PIGZ: variants seen among roughly 807,000 people sequenced by gnomAD.
PIGZ encodes the protein GPI alpha-1,2-mannosyltransferase 4.
A neutral mutation model predicts 16.4 loss-of-function variants in PIGZ; 16 were observed. That is an observed-to-expected ratio of 0.97 (90% CI 0.66 to 1.48). The LOEUF (loss-of-function observed/expected upper bound fraction) is 1.48, where lower values mean the gene tolerates loss of function less well. PIGZ is among the 40% of genes most tolerant of loss of function. The pLI, the probability that PIGZ is intolerant of heterozygous loss-of-function variation, is 0.00. For synonymous variants in PIGZ, 409 were observed against 338.4 expected (o/e 1.21, Z -2.29); for missense variants, 770 against 739.2 (o/e 1.04, Z -0.48).
rs918351180 is a variant in PIGZ at position 196,965,879 on chromosome 3, C to G, written c.-1+2808G>C. On this transcript the variant is annotated intron_variant, in intron 1 of 2. Transcript: ENST00000412723. The surrounding 1 kb of genome is among the most constrained non-coding windows in gnomAD (Gnocchi z 4.2). The stretch of plus-strand genomic sequence containing the variant: ...ACCGCCATCCGCCTCTCCACTTTCC[C>G]TCTCTCACTGCATCCTTCCTTCTGA... 3.9e-5 allele frequency among the ~76,000 whole-genome samples: 6 copies of G among 152,200 alleles called. No homozygotes were observed. The highest frequency in any genetic ancestry group is 7.3e-5 in the Non-Finnish European group (5 of 68,044).
At chr3:196,963,487 G>A (rs761807171) in intron 1 of PIGZ, among the ~76,000 whole-genome samples, 5 of 152,224 alleles carry the variant, frequency 3.3e-5, no homozygotes, top group Non-Finnish European at 7.3e-5. Flanking sequence ...TGGGTGTGAA[G>A]TGGTATCTCA....
In PIGZ at chr3:196,951,972, C is replaced by G; in HGVS notation, c.60G>C (p.Leu20Phe). Reference sequence around the variant, plus strand: ...CCAGTTGTTGCCAACACACCGGGCCCAAAACCTGGAATGATGTCCCAGCTG... The same window carrying G: ...CCAGTTGTTGCCAACACACCGGGCCGAAAACCTGGAATGATGTCCCAGCTG... Reference protein sequence around the residue: ...SVAAGTSFQVLGPVCWQQLDL... With the variant: ...SVAAGTSFQVFGPVCWQQLDL... Residue 20 changes from leucine to phenylalanine, a missense_variant, in exon 2 of 3, where the codon TTG (leucine) becomes TTC (phenylalanine). Coordinates refer to ENST00000412723, the MANE Select transcript of PIGZ (RefSeq NM_025163.4). 6.2e-7 allele frequency: 1 copy of G among 1,614,174 alleles called. No homozygotes were observed. Among genetic ancestry groups the G allele is most frequent in the Non-Finnish European group, 8.5e-7 (1 of 1,180,030 alleles).
At chr3:196,961,142 C>T (rs900527422) in intron 1 of PIGZ, among the ~76,000 whole-genome samples, 7 of 152,154 alleles carry the variant, frequency 4.6e-5, no homozygotes, top group Admixed American at 1.3e-4. Flanking sequence ...TGCTGACAGG[C>T]GGCTGTGGTG....
In PIGZ at chr3:196,947,667, C is replaced by T. The variant is rs1159282746; in HGVS notation, c.1230G>A (p.Val410=). The T allele has an allele frequency of 4.3e-6, 7 of 1,611,510 alleles. No homozygotes were observed. The highest frequency in any genetic ancestry group is 1.7e-4 in the Middle Eastern group (1 of 6,050). ...VLLCSPQTQP[V]PWKGTVVLFN... ...AGAGGACCACAGTGCCCTTCCAAGG[C>T]ACAGGCTGCGTCTGTGGACTACAAA... The change falls in exon 3 of 3, where the codon GTG becomes GTA. Residue 410 remains valine (V), a synonymous_variant. Transcript: ENST00000412723.
At chr3:196,960,706 A>C (rs938235600) in intron 1 of PIGZ, among the ~76,000 whole-genome samples, 2 of 125,826 alleles carry the variant, frequency 1.6e-5, no homozygotes, top group Non-Finnish European at 3.5e-5. Context: ...GAAAGAAGAA[A>C]GGAAGGAAGG....
At chr3:196,954,894 T>G (rs577266782) in intron 1 of PIGZ, among the ~76,000 whole-genome samples, 1 of 152,342 alleles carries the variant, frequency 6.6e-6, no homozygotes, top group African/African-American at 2.4e-5. Flanking sequence ...CTATAAGTTG[T>G]CATTAGATCA....
rs1717044769 is a variant in PIGZ at position 196,948,506 on chromosome 3, G to C, written c.391C>G (p.Leu131Val). The change falls in exon 3 of 3, where the codon CTC becomes GTC. Residue 131 changes from leucine to valine, a missense_variant. Coordinates refer to ENST00000412723, the MANE Select transcript of PIGZ (RefSeq NM_025163.4). ...GCAAAGGAAAGGGCAGTGAGGAGGA[G>C]TCGAGGCCCCACCAGCAGCGCATAG... Reference protein sequence around the residue: ...SGYALLVGPRLLLTALSFALD... With the variant: ...SGYALLVGPRVLLTALSFALD... The C allele has an allele frequency of 6.2e-7, 1 of 1,612,866 alleles. No individual in the cohort carries two copies. Among genetic ancestry groups the C allele is most frequent in the South Asian group, 1.1e-5 (1 of 91,024 alleles).
At chr3:196,954,408 A>G (rs142936474) in intron 1 of PIGZ, among the ~76,000 whole-genome samples, 2,036 of 152,246 alleles carry the variant, frequency 0.013, 48 homozygotes, top group African/African-American at 0.045. Flanking sequence ...TATATTCTAA[A>G]CTGATTTTTA....
At chr3:196,964,046 T>TTTATG (rs1717826486) in intron 1 of PIGZ, among the ~76,000 whole-genome samples, 1 of 151,698 alleles carries the variant, frequency 6.6e-6, no homozygotes, top group African/African-American at 2.4e-5. Flanking sequence ...ATTTTTATTT[T>TTTATG]TATTTATTTA....
intron 1 of PIGZ, among the ~76,000 whole-genome samples, chr3:196,964,889 C>G (rs6776692): frequency 0.31 from 47,112 of 151,956 alleles, 7,912 homozygotes; most frequent in African/African-American, 0.43. Flanking sequence ...CTGTCTTACA[C>G]ACAAATGAAC....
At chr3:196,959,874 G>T (rs533277190) in intron 1 of PIGZ, among the ~76,000 whole-genome samples, 14 of 152,322 alleles carry the variant, frequency 9.2e-5, no homozygotes, top group Admixed American at 3.3e-4. Flanking sequence ...GAAACAAAAA[G>T]CTACATTTTG....
chr3:196,947,957 G>T lies in PIGZ; in HGVS notation c.940C>A (p.Arg314=). 5.6e-6 allele frequency: 9 copies of T among 1,611,718 alleles called. No individual in the cohort carries two copies. Among genetic ancestry groups the T allele is most frequent in the Non-Finnish European group, 7.6e-6 (9 of 1,178,674 alleles). ...CCGTTGACTGCCAGGTGAGTGAGCC[G>T]CGCGTGCGTGCCATGTCTCGCCAGG... ...QNLARHGTHA[R]LTHLAVNGFL... is the part of the protein sequence containing the mutation. The change falls in exon 3 of 3, where the codon CGG becomes AGG. Residue 314 remains arginine (R), a synonymous_variant. Coordinates refer to ENST00000412723, the MANE Select transcript of PIGZ (RefSeq NM_025163.4).
At chr3:196,961,900 A>G (rs1208574001) in intron 1 of PIGZ, among the ~76,000 whole-genome samples, 2 of 152,066 alleles carry the variant, frequency 1.3e-5, no homozygotes, top group Non-Finnish European at 2.9e-5. Flanking sequence ...AATTTTCATC[A>G]CTCAAGAAGA....
rs74665216 is a variant in PIGZ, at chr3:196,949,593, G to A, written c.212-908C>T. The stretch of plus-strand genomic sequence containing the variant: ...TGTCCACCTTGTGAGCAGAGAGCCC[G>A]TGCTGCCCTTCTGATGGACAGAACT... On this transcript the variant is annotated intron_variant, in intron 2 of 2. Coordinates refer to ENST00000412723, the MANE Select transcript of PIGZ (RefSeq NM_025163.4). Among the ~76,000 whole-genome samples the A allele has an allele frequency of 2.5e-3, 385 of 152,342 alleles. 8 individuals carry two copies. In the East Asian group the frequency reaches 0.039, roughly 15 times the overall value.
Position 196,947,511 on chromosome 3 carries a change from G to A in PIGZ, c.1386C>T (p.Phe462=). Residue 462 remains phenylalanine (F), a synonymous_variant, in exon 3 of 3, where the codon TTC becomes TTT. Coordinates refer to ENST00000412723, the MANE Select transcript of PIGZ (RefSeq NM_025163.4). ...GCCGGGGGGGCATGTAGGTGTGAGT[G>A]AAGAGGAGTGTGTAGTGGGTGGGTG... ...PSTPTHYTLL[F]THTYMPPRHL... 9 of 1,613,748 alleles carry A rather than the reference G, an allele frequency of 5.6e-6. No homozygotes were observed. Among genetic ancestry groups the A allele is most frequent in the Non-Finnish European group, 7.6e-6 (9 of 1,180,010 alleles).
intron 1 of PIGZ, among the ~76,000 whole-genome samples, chr3:196,957,176 T>G (rs1210842872): frequency 1.5e-5 from 2 of 136,228 alleles, no homozygotes; most frequent in Non-Finnish European, 3.0e-5. Flanking sequence ...AGGTTTTGTG[T>G]GTGTGTGTGT....
At chr3:196,956,233 T>C (rs974806308) in intron 1 of PIGZ, among the ~76,000 whole-genome samples, 9 of 152,142 alleles carry the variant, frequency 5.9e-5, no homozygotes, top group Admixed American at 2.0e-4. Flanking sequence ...ATGCTGCTGA[T>C]AAAGACATAC....
At chr3:196,949,060 C>CCTT (rs1560181815) in intron 2 of PIGZ, among the ~76,000 whole-genome samples, 1 of 23,548 alleles carries the variant, frequency 4.2e-5, no homozygotes, top group African/African-American at 4.3e-4. Context: ...TCCCTTCCTT[C>CCTT]CCCTTCCTTC....
chr3:196,959,183 A>C (rs569829294), intron 1 of PIGZ, among the ~76,000 whole-genome samples: 1 of 152,214 alleles, frequency 6.6e-6, no homozygotes, highest in South Asian at 2.1e-4. Flanking sequence ...GCTGTCCTCT[A>C]TCTCACCCTC....
Sources: gnomAD v4.1 joint callset for allele counts (sites outside exome capture counted in the v4.1 genomes callset) on GRCh38, gnomAD v4.1.1 for gene constraint, Gnocchi (gnomAD v3.1) non-coding constraint, MANE v1.5 for transcripts, NCBI Gene and HGNC (gene_info 2026-07-23, HGNC 2026-07-21) for gene names.